Variants in RIPOR2 observed in about 807,000 individuals in gnomAD.
RIPOR2 encodes RHO family interacting cell polarization regulator 2.
In RIPOR2, 39 loss-of-function variants were observed where a neutral mutation model predicts 114.5. That is an observed-to-expected ratio of 0.34 (90% CI 0.26 to 0.44). RIPOR2 has a LOEUF of 0.44. Ranked by LOEUF, RIPOR2 falls within the 20% of genes least tolerant of loss-of-function variation. The probability of loss-of-function intolerance (pLI) is 1.00; values close to 1 mark genes in which losing one functional copy is unlikely to be tolerated. For missense variants in RIPOR2, 1,007 were observed against 1,255.1 expected, an observed-to-expected ratio of 0.80 and a Z score of 2.99; for synonymous variants, 445 against 484.4, an observed-to-expected ratio of 0.92 and a Z score of 1.07.
intron 1 of RIPOR2, among the ~76,000 whole-genome samples, chr6:24,984,044 C>T (rs1774424561): frequency 6.6e-6 from 1 of 152,154 alleles, no homozygotes; most frequent in Admixed American, 6.5e-5. Context: ...TACATGTGGA[C>T]AATAGTGGGT....
intron 8 of RIPOR2, among the ~76,000 whole-genome samples, chr6:24,853,269 T>A (rs567383001): frequency 6.6e-5 from 10 of 152,326 alleles, no homozygotes; most frequent in African/African-American, 2.4e-4. Flanking sequence ...TACTGTGCCA[T>A]CCAGCAAGTC....
At chr6:24,957,026 T>G (rs1773070251) in intron 1 of RIPOR2, among the ~76,000 whole-genome samples, 1 of 152,248 alleles carries the variant, frequency 6.6e-6, no homozygotes, top group Non-Finnish European at 1.5e-5. Flanking sequence ...TGTCTTCTCT[T>G]GACTTCTCTG....
intron 13 of RIPOR2, chr6:24,840,394 A>T: frequency 8.5e-7 from 1 of 1,175,294 alleles, no homozygotes; most frequent in Non-Finnish European, 1.1e-6. Context: ...GAGCAATCCC[A>T]TTCTCTGGCC....
chr6:24,959,683 G>C (rs1773213572), intron 1 of RIPOR2, among the ~76,000 whole-genome samples: 1 of 152,086 alleles, frequency 6.6e-6, no homozygotes, highest in African/African-American at 2.4e-5. Flanking sequence ...CAAACTAACT[G>C]CTTGGTAAAT....
At chr6:24,950,169 A>G (rs1581862092) in intron 1 of RIPOR2, among the ~76,000 whole-genome samples, 1 of 152,208 alleles carries the variant, frequency 6.6e-6, no homozygotes, top group Non-Finnish European at 1.5e-5. Context: ...AGCACCTAGT[A>G]GTGTTTCATT....
At chr6:24,944,685 A>G (rs1263019202) in intron 1 of RIPOR2, among the ~76,000 whole-genome samples, 1 of 152,240 alleles carries the variant, frequency 6.6e-6, no homozygotes, top group Non-Finnish European at 1.5e-5. Context: ...AGATTAATCT[A>G]TAAATCTAAG....
chr6:24,965,036 C>A (rs746880315), intron 1 of RIPOR2, among the ~76,000 whole-genome samples: 1 of 152,010 alleles, frequency 6.6e-6, no homozygotes, highest in Non-Finnish European at 1.5e-5. Context: ...TGGATATTGT[C>A]TTTGCTCTGT....
chr6:24,849,481 G>C (rs1265831199), intron 11 of RIPOR2, among the ~76,000 whole-genome samples: 1 of 152,136 alleles, frequency 6.6e-6, no homozygotes, highest in Admixed American at 6.5e-5. Context: ...TTACTTGAGA[G>C]GACATATGCC....
chr6:25,040,873 G>A (rs990907759), intron 1 of RIPOR2, among the ~76,000 whole-genome samples: 5 of 152,190 alleles, frequency 3.3e-5, no homozygotes, highest in African/African-American at 9.7e-5. Context: ...TTACAGGCAT[G>A]AGCTACCGCA....
intron 1 of RIPOR2, among the ~76,000 whole-genome samples, chr6:24,889,350 G>A (rs1271839630): frequency 6.6e-6 from 1 of 152,096 alleles, no homozygotes; most frequent in Non-Finnish European, 1.5e-5. Flanking sequence ...ATTCACCCGC[G>A]ACCTGAAGTA....
intron 1 of RIPOR2, among the ~76,000 whole-genome samples, chr6:25,038,276 C>A (rs954123075): frequency 2.0e-5 from 3 of 152,192 alleles, no homozygotes; most frequent in Middle Eastern, 3.2e-3. Context: ...TGAAGATGGC[C>A]CCACGATTCT....
At chr6:25,022,531 C>CTTTTTTTTT (rs1561848668) in intron 1 of RIPOR2, among the ~76,000 whole-genome samples, 2 of 64,512 alleles carry the variant, frequency 3.1e-5, no homozygotes, top group Non-Finnish European at 6.9e-5. Flanking sequence ...TGGTACCTTC[C>CTTTTTTTTT]ATTTTTTTTT....
At chr6:25,004,885 T>C (rs1305338655) in intron 1 of RIPOR2, among the ~76,000 whole-genome samples, 2 of 152,052 alleles carry the variant, frequency 1.3e-5, no homozygotes, top group African/African-American at 2.4e-5. Context: ...TAAGGTACTT[T>C]AGTATTCTCA....
chr6:24,858,182 C>T lies in RIPOR2; in HGVS notation c.715+2791G>A, dbSNP rs962872306. Among the ~76,000 whole-genome samples the T allele has an allele frequency of 6.6e-6, 1 of 152,210 alleles. No individual in the cohort carries two copies. Among genetic ancestry groups the T allele is most frequent in the Non-Finnish European group, 1.5e-5 (1 of 68,032 alleles). On this transcript the variant is annotated intron_variant, in intron 8 of 21. Coordinates refer to ENST00000643898, the MANE Select transcript of RIPOR2 (RefSeq NM_001286445.3). The surrounding 1 kb of genome is among the most constrained non-coding windows in gnomAD (Gnocchi z 4.0). ...GTTCCATTGAATGAGAATGCACAGC[C>T]TCATATGTCTGTTTTCTCTGGTAGA... is the stretch of plus-strand genomic sequence containing the variant.
chr6:24,884,032 T>C (rs569351128), intron 1 of RIPOR2, among the ~76,000 whole-genome samples: 17 of 152,204 alleles, frequency 1.1e-4, no homozygotes, highest in Non-Finnish European at 2.1e-4. Context: ...ACAAGGTACC[T>C]ATTACAGAGC....
chr6:24,984,268 C>T (rs1326096036), intron 1 of RIPOR2, among the ~76,000 whole-genome samples: 3 of 152,014 alleles, frequency 2.0e-5, no homozygotes, highest in Admixed American at 6.6e-5. Flanking sequence ...GGGCTGAGTC[C>T]GAAAAGAGAG....
At chr6:25,016,662 T>C (rs1422405883) in intron 1 of RIPOR2, among the ~76,000 whole-genome samples, 1 of 152,218 alleles carries the variant, frequency 6.6e-6, no homozygotes, top group Non-Finnish European at 1.5e-5. Context: ...AAGTCTTGTG[T>C]CTGGCGATAA....
chr6:24,852,484 A>G (rs769428490), intron 9 of RIPOR2, 91 bp downstream of exon 9: 56 of 1,014,734 alleles, frequency 5.5e-5, no homozygotes, highest in Non-Finnish European at 7.7e-5. Context: ...AAAAAAAAAA[A>G]AGACAACTTG....
Position 24,840,182 on chromosome 6 carries a change from C to G in RIPOR2, c.1858-910G>C, listed in dbSNP as rs943325438. ...ACCATACCGGTCTTGAACTCTTGGG[C>G]TCCAGCAATCCTGGGCTTCCCAAAG... On this transcript the variant is annotated intron_variant, in intron 13 of 21. Transcript: ENST00000643898. The G allele has an allele frequency of 2.0e-5, 19 of 949,312 alleles. No individual in the cohort carries two copies. In the African/African-American group the frequency reaches 3.4e-4, roughly 17 times the overall value. The allele number at this position is 949,312 out of a possible 1,614,324, so 58.8% of individuals were successfully genotyped here.
Sources: gnomAD v4.1 joint callset for allele counts (sites outside exome capture counted in the v4.1 genomes callset) on GRCh38, gnomAD v4.1.1 for gene constraint, Gnocchi (gnomAD v3.1) non-coding constraint, MANE v1.5 for transcripts, NCBI Gene and HGNC (gene_info 2026-07-23, HGNC 2026-07-21) for gene names.